The following EXT1 variants were observed in gnomAD, a reference collection of about 807,000 sequenced individuals.
EXT1 encodes the protein exostosin-1.
Under a neutral mutation model 82.5 loss-of-function variants are expected in EXT1, and 20 were observed. That is an observed-to-expected ratio of 0.24 (90% CI 0.17 to 0.35). The LOEUF (loss-of-function observed/expected upper bound fraction) is 0.35. Among genes scored for constraint, EXT1 ranks in the 10% least tolerant of loss-of-function variants. EXT1 has a pLI of 1.00. For synonymous variants in EXT1, 348 were observed against 350.8 expected (o/e 0.99, Z 0.09); for missense variants, 757 against 936.5 (o/e 0.81, Z 2.50).
Position 117,818,530 on chromosome 8 carries a change from T to C in EXT1, c.1537A>G (p.Ile513Val), listed in dbSNP as rs1188968853. 1.4e-5 allele frequency: 22 copies of C among 1,613,310 alleles called. No individual in the cohort carries two copies. Among genetic ancestry groups the C allele is most frequent in the Non-Finnish European group, 1.9e-5 (22 of 1,179,284 alleles). ...AAAKSQYCAQ[I>V]IVLWNCDKPL... ...TTGTCACAATTCCATAGAACTATGA[T>C]CTGAAAGGGATGGGGCTCATTAGAT... Residue 513 changes from isoleucine (I) to valine (V), a missense_variant and splice_region_variant, in exon 7 of 11, where the codon ATC (isoleucine) becomes GTC (valine). By Grantham distance (29) the Ile-to-Val change is conservative. This residue lies in a region of EXT1 where 207 missense variants were observed against 224.2 expected (regional missense o/e 0.92). Coordinates refer to ENST00000378204, the MANE Select transcript of EXT1 (RefSeq NM_000127.3).
rs577077056 is a variant in EXT1, at chr8:118,037,835, T to C, written c.962+72250A>G. Among the ~76,000 whole-genome samples the C allele has an allele frequency of 4.8e-5, 7 of 147,262 alleles. No homozygotes were observed. The East Asian group carries it at 1.4e-3, about 29-fold the overall frequency. Reference sequence around the variant, plus strand: ...TCTTTGTATCAACAAGAGTGTTTTTTGTTTTTTTTTTTTTTTTTTTTTGAG... The same window carrying C: ...TCTTTGTATCAACAAGAGTGTTTTTCGTTTTTTTTTTTTTTTTTTTTTGAG... On this transcript the variant is annotated intron_variant, in intron 1 of 10. Coordinates refer to ENST00000378204, the MANE Select transcript of EXT1 (RefSeq NM_000127.3).
At chr8:117,928,696 A>G (rs1246931483) in intron 1 of EXT1, among the ~76,000 whole-genome samples, 3 of 152,094 alleles carry the variant, frequency 2.0e-5, no homozygotes. Context: ...ACTGGATGTG[A>G]TATCTGAAGC....
At chr8:118,075,557 GT>G (rs1210419232) in intron 1 of EXT1, among the ~76,000 whole-genome samples, 1 of 152,124 alleles carries the variant, frequency 6.6e-6, no homozygotes, top group Non-Finnish European at 1.5e-5. Flanking sequence ...ATTGTTCTGG[GT>G]TTTGGTTTTT....
At chr8:117,934,302 G>A (rs10955841) in intron 1 of EXT1, among the ~76,000 whole-genome samples, 81,547 of 152,004 alleles carry the variant, frequency 0.54, 24,499 homozygotes, top group Middle Eastern at 0.74. Context: ...CAGCATGGAC[G>A]AAGGATCCAG....
At chr8:117,915,987 C>G (rs983729865) in intron 1 of EXT1, among the ~76,000 whole-genome samples, 41 of 152,304 alleles carry the variant, frequency 2.7e-4, no homozygotes, top group African/African-American at 9.6e-4. Context: ...TGGGCTCTGT[C>G]AAAGTCAGTT....
At chr8:117,839,859 T>C (rs535324108) in intron 1 of EXT1, among the ~76,000 whole-genome samples, 11 of 152,280 alleles carry the variant, frequency 7.2e-5, no homozygotes, top group East Asian at 1.9e-4. Context: ...TTTCAACAGA[T>C]AGAGTCCAGA....
intron 1 of EXT1, among the ~76,000 whole-genome samples, chr8:118,032,508 C>CT (rs1207517029): frequency 0.036 from 4,803 of 133,124 alleles, 273 homozygotes; most frequent in African/African-American, 0.11. Flanking sequence ...AGGGTAACAA[C>CT]TTTTTTTTTT....
At chr8:118,058,277 G>A (rs1442598812) in intron 1 of EXT1, among the ~76,000 whole-genome samples, 3 of 152,102 alleles carry the variant, frequency 2.0e-5, no homozygotes, top group Non-Finnish European at 2.9e-5. Flanking sequence ...ATATTGTTTA[G>A]TAGCCACACT....
chr8:117,904,368 A>G (rs1813504571), intron 1 of EXT1, among the ~76,000 whole-genome samples: 1 of 152,210 alleles, frequency 6.6e-6, no homozygotes, highest in South Asian at 2.1e-4. Context: ...GCAGGCAGCT[A>G]TGGTGTATTT....
At chr8:117,932,229 C>T (rs937125060) in intron 1 of EXT1, among the ~76,000 whole-genome samples, 2 of 152,048 alleles carry the variant, frequency 1.3e-5, no homozygotes, top group East Asian at 1.9e-4. Flanking sequence ...AACTATTGAA[C>T]AGAAAAGTTA....
At chr8:117,915,852 T>C (rs1813738354) in intron 1 of EXT1, among the ~76,000 whole-genome samples, 1 of 96,568 alleles carries the variant, frequency 1.0e-5, no homozygotes, top group Non-Finnish European at 2.5e-5. Flanking sequence ...CGAGACTCTG[T>C]CTCAAACAAA....
intron 1 of EXT1, among the ~76,000 whole-genome samples, chr8:117,929,811 G>A (rs1814017188): frequency 1.3e-5 from 2 of 152,282 alleles, no homozygotes; most frequent in South Asian, 2.1e-4. Flanking sequence ...GTGTCTCATA[G>A]AAAAGTGTAA....
chr8:117,941,251 C>A (rs529435765), intron 1 of EXT1, among the ~76,000 whole-genome samples: 1 of 152,330 alleles, frequency 6.6e-6, no homozygotes, highest in African/African-American at 2.4e-5. Flanking sequence ...TGAATGCCGG[C>A]AGCTCTACCA....
chr8:117,981,248 C>T (rs554927398), intron 1 of EXT1, among the ~76,000 whole-genome samples: 10 of 152,188 alleles, frequency 6.6e-5, no homozygotes, highest in South Asian at 6.2e-4. Flanking sequence ...ATTATCAATG[C>T]CAACTCTACT....
chr8:118,092,723 G>A (rs1200990603), intron 1 of EXT1, among the ~76,000 whole-genome samples: 1 of 152,250 alleles, frequency 6.6e-6, no homozygotes, highest in East Asian at 1.9e-4. Flanking sequence ...ACCTGCCGGT[G>A]TGGACAGAAA....
intron 1 of EXT1, among the ~76,000 whole-genome samples, chr8:117,958,866 C>T (rs1814640253): frequency 6.6e-6 from 1 of 152,172 alleles, no homozygotes; most frequent in Admixed American, 6.5e-5. Flanking sequence ...TGCCATTTCT[C>T]TCACAATTCT....
chr8:117,839,305 T>C (rs1356524060), intron 1 of EXT1, among the ~76,000 whole-genome samples: 1 of 152,216 alleles, frequency 6.6e-6, no homozygotes, highest in African/African-American at 2.4e-5. Flanking sequence ...TAGATGACTA[T>C]AGATTCAGTT....
chr8:117,813,244 G>T (rs1823362553), intron 7 of EXT1, among the ~76,000 whole-genome samples: 1 of 152,170 alleles, frequency 6.6e-6, no homozygotes, highest in South Asian at 2.1e-4. Context: ...CTGTAGAGGA[G>T]ACCAAGAAGC....
chr8:118,055,786 G>A (rs1344509499), intron 1 of EXT1, among the ~76,000 whole-genome samples: 3 of 152,234 alleles, frequency 2.0e-5, no homozygotes, highest in African/African-American at 4.8e-5. Context: ...AGTGTGTGGC[G>A]AGTGCTTAAT....
Sources: gnomAD v4.1 joint callset for allele counts (sites outside exome capture counted in the v4.1 genomes callset) on GRCh38, gnomAD v4.1.1 for gene constraint, gnomAD v4.1.1 regional missense constraint, MANE v1.5 for transcripts, NCBI Gene and HGNC (gene_info 2026-07-23, HGNC 2026-07-21) for gene names.